Variants in ABCA1 observed in about 807,000 individuals in gnomAD.
The protein encoded by ABCA1 is phospholipid-transporting ATPase ABCA1.
In ABCA1, 133 loss-of-function variants were observed where a neutral mutation model predicts 262.5. The observed-to-expected ratio is 0.51, with a 90% CI of 0.44 to 0.59. The LOEUF (loss-of-function observed/expected upper bound fraction) is 0.59. ABCA1 is among the 20% of genes least tolerant of loss of function. The pLI is 0.00. For synonymous variants in ABCA1, 1,022 were observed against 1,043.5 expected (o/e 0.98, Z 0.40); for missense variants, 2,452 against 2,777.5 (o/e 0.88, Z 2.63).
chr9:104,826,607 T>C lies in ABCA1; in HGVS notation c.2337+341A>G, dbSNP rs532691707. ...CCTTGGCTTTGTCATGAGCTTAACA[T>C]AGCCAACAGAGCTGGGAGATAAAGG... On this transcript the variant is annotated intron_variant, in intron 16 of 49. Transcript: ENST00000374736. Among the ~76,000 whole-genome samples the C allele has an allele frequency of 1.5e-4, 23 of 152,314 alleles. No individual in the cohort carries two copies. In the East Asian group the frequency reaches 4.2e-3, roughly 28 times the overall value.
In ABCA1 at chr9:104,827,050, C is replaced by A. The variant is rs374418354; in HGVS notation, c.2235G>T (p.Leu745=). The change falls in exon 16 of 50, where the codon CTG becomes CTT. Residue 745 remains leucine, a synonymous_variant. Transcript: ENST00000374736. ...AGATGATGCCCCCACAGGCTGCTGC[C>A]AGGTTGGCTCTGGAGAAGAGTGTGC... ...LISTLFSRAN[L]AAACGGIIYF... 360 of 1,614,212 alleles carry A rather than the reference C, an allele frequency of 2.2e-4. No individual in the cohort carries two copies. Among genetic ancestry groups the A allele is most frequent in the Admixed American group, 6.7e-4 (40 of 60,020 alleles).
intron 17 of ABCA1, among the ~76,000 whole-genome samples, chr9:104,824,872 A>C (rs1832685050): frequency 6.6e-6 from 1 of 152,260 alleles, no homozygotes; most frequent in African/African-American, 2.4e-5. Context: ...GTTAAGACTC[A>C]GAATTTAAAT....
At chr9:104,794,261 G>C in intron 40 of ABCA1, 126 bp downstream of exon 40, 1 of 1,441,508 alleles carries the variant, frequency 6.9e-7, no homozygotes, top group Non-Finnish European at 9.7e-7. Flanking sequence ...CCTGTCACTG[G>C]GCATGGGGGT....
At chr9:104,904,125 C>G (rs1840895623) in intron 1 of ABCA1, among the ~76,000 whole-genome samples, 1 of 152,196 alleles carries the variant, frequency 6.6e-6, no homozygotes, top group Admixed American at 6.5e-5. Context: ...CAGAGACCTA[C>G]CTCTCTTTTC....
intron 2 of ABCA1, among the ~76,000 whole-genome samples, chr9:104,896,771 C>T (rs900379071): frequency 9.3e-6 from 1 of 107,030 alleles, no homozygotes; most frequent in Non-Finnish European, 1.7e-5. Context: ...CACTCTGTTG[C>T]CCAGGCTGGA....
In ABCA1 at chr9:104,861,762, A is replaced by C. The variant is rs1307642956; in HGVS notation, c.460T>G (p.Phe154Val). 1 of 1,613,742 alleles carries C rather than the reference A, an allele frequency of 6.2e-7. No individual in the cohort carries two copies. Among genetic ancestry groups the C allele is most frequent in the Non-Finnish European group, 8.5e-7 (1 of 1,179,782 alleles). The change falls in exon 6 of 50, where the codon TTC becomes GTC. Residue 154 changes from phenylalanine (F) to valine (V), a missense_variant. Around this residue, in one of 4 missense-constraint regions of ABCA1, gnomAD observed 1,032 missense variants for 1,089.7 expected, o/e 0.95. Coordinates refer to ENST00000374736, the MANE Select transcript of ABCA1 (RefSeq NM_005502.4). ...LQDFLVDNET[F>V]SGFLYHNLSL... ...AGGTTGTGATACAGGAACCCAGAGA[A>C]GGTTTCATTGTCCACCAGGAAATCT...
Position 104,837,004 on chromosome 9 carries a change from G to C in ABCA1, c.1287C>G (p.Asn429Lys), listed in dbSNP as rs989896136. 1.2e-6 allele frequency: 2 copies of C among 1,614,056 alleles called. No individual in the cohort carries two copies. Among genetic ancestry groups the C allele is most frequent in the Middle Eastern group, 1.7e-4 (1 of 6,056 alleles). ...CCCGGACAAGGTCCATTTCTTGGCT[G>C]TTCTCCATGAAGGTCCAGATCTTGG... ...LSPKIWTFME[N>K]SQEMDLVRML... Residue 429 changes from asparagine to lysine, a missense_variant, in exon 11 of 50, where the codon AAC becomes AAG. Coordinates refer to ENST00000374736, the MANE Select transcript of ABCA1 (RefSeq NM_005502.4).
intron 25 of ABCA1, among the ~76,000 whole-genome samples, chr9:104,814,885 C>G (rs554913344): frequency 2.6e-5 from 4 of 152,270 alleles, no homozygotes; most frequent in Admixed American, 2.6e-4. Context: ...ATCTCAGCTA[C>G]TTGGGAGGCT....
At position 104,791,911 on chromosome 9, in the gene ABCA1, C is replaced by CTAATAGG. The variant is rs1564082175; in HGVS notation, c.5820+24_5820+25insCCTATTA. On this transcript the variant is annotated intron_variant, in intron 43 of 49. Coordinates refer to ENST00000374736, the MANE Select transcript of ABCA1 (RefSeq NM_005502.4). ...GATAGTCTGAACTAATAGGGACAAA[C>CTAATAGG]GCAATATAGACAAAGTGTCTTTACC... is the stretch of plus-strand genomic sequence containing the variant. 3 of 1,610,156 alleles carry CTAATAGG rather than the reference C, an allele frequency of 1.9e-6. No individual in the cohort carries two copies. In the South Asian group the frequency reaches 3.3e-5, roughly 18 times the overall value.
At chr9:104,869,943 G>A (rs1837453526) in intron 5 of ABCA1, among the ~76,000 whole-genome samples, 1 of 152,166 alleles carries the variant, frequency 6.6e-6, no homozygotes, top group Admixed American at 6.5e-5. Context: ...GACACTAAGT[G>A]TGTTAAGTAC....
At chr9:104,802,623 T>C (rs1250770376) in intron 33 of ABCA1, among the ~76,000 whole-genome samples, 1 of 152,106 alleles carries the variant, frequency 6.6e-6, no homozygotes, top group Non-Finnish European at 1.5e-5. Flanking sequence ...GATCCAGGGG[T>C]CCTGGCCCTT....
intron 7 of ABCA1, chr9:104,855,483 A>G: frequency 1.9e-6 from 1 of 529,230 alleles, no homozygotes; most frequent in South Asian, 3.2e-5. Context: ...ATTACAACAG[A>G]TGTGAGCCAC....
chr9:104,874,912 G>A (rs572238671), intron 5 of ABCA1, among the ~76,000 whole-genome samples: 123 of 149,868 alleles, frequency 8.2e-4, no homozygotes, highest in South Asian at 1.9e-3. Flanking sequence ...TCCGGGAGGT[G>A]GGGGGCGCCT....
chr9:104,897,811 C>A (rs953280912), intron 2 of ABCA1, among the ~76,000 whole-genome samples: 1 of 152,188 alleles, frequency 6.6e-6, no homozygotes, highest in African/African-American at 2.4e-5. Context: ...CCACATTGAC[C>A]AGGCTGGTCT....
chr9:104,862,969 C>T (rs1447795465), intron 5 of ABCA1, among the ~76,000 whole-genome samples: 1 of 151,542 alleles, frequency 6.6e-6, no homozygotes, highest in Non-Finnish European at 1.5e-5. Context: ...TAGGAAAACA[C>T]ATTAACATAT....
At chr9:104,809,330 A>T in intron 30 of ABCA1, 136 bp downstream of exon 30, 2 of 920,614 alleles carry the variant, frequency 2.2e-6, no homozygotes, top group Non-Finnish European at 3.5e-6. Context: ...CGCTTTTTGT[A>T]AATAAAACAT....
chr9:104,837,069 C>G lies in ABCA1; in HGVS notation c.1222G>C (p.Val408Leu), dbSNP rs1390494110. The change falls in exon 11 of 50, where the codon GTG (valine) becomes CTG (leucine). Residue 408 changes from valine (V) to leucine (L), a missense_variant. Around this residue, in one of 4 missense-constraint regions of ABCA1, gnomAD observed 1,032 missense variants for 1,089.7 expected, o/e 0.95. Transcript: ENST00000374736. ...CACATGCCTTCCAGATCATGGAACA[C>G]AGCCAGTTCCTGGAAGGTCTTGTTC... is the stretch of plus-strand genomic sequence containing the variant. ...EVNKTFQELA[V>L]FHDLEGMWEE... 6.2e-7 allele frequency: 1 copy of G among 1,613,828 alleles called. No homozygotes were observed. Among genetic ancestry groups the G allele is most frequent in the Non-Finnish European group, 8.5e-7 (1 of 1,180,024 alleles).
intron 1 of ABCA1, among the ~76,000 whole-genome samples, chr9:104,913,898 C>G (rs1271142435): frequency 1.3e-5 from 2 of 152,154 alleles, no homozygotes; most frequent in African/African-American, 4.8e-5. Context: ...CGGCTTCACG[C>G]CATTCTCCTG....
rs762093692 is a variant in ABCA1 at position 104,829,053 on chromosome 9, C to A, written c.1978G>T (p.Val660Leu). 4.3e-6 allele frequency: 7 copies of A among 1,614,192 alleles called. No individual in the cohort carries two copies. The highest frequency in any genetic ancestry group is 5.9e-6 in the Non-Finnish European group (7 of 1,180,042). Reference protein sequence around the residue: ...YSVAVIIKGIVYEKEARLKET... With the variant: ...YSVAVIIKGILYEKEARLKET... ...TTCAGCCGTGCCTCCTTCTCATACA[C>A]GATGCCCTTGATGATCACAGCCACT... Residue 660 changes from valine (V) to leucine (L), a missense_variant, in exon 15 of 50, where the codon GTG becomes TTG. By Grantham distance (32) the Val-to-Leu change is conservative (BLOSUM62 1). Transcript: ENST00000374736.
Sources: allele counts gnomAD v4.1 joint callset (sites outside exome capture counted in the v4.1 genomes callset), GRCh38; gene constraint gnomAD v4.1.1; regional missense constraint gnomAD v4.1.1; transcripts MANE v1.5; gene names NCBI Gene and HGNC (gene_info 2026-07-23, HGNC 2026-07-21).